Variants in ITPR1 observed in about 807,000 individuals in gnomAD.
The protein encoded by ITPR1 is inositol 1,4,5-trisphosphate receptor type 1, also known as inositol 1,4,5-trisphosphate-gated calcium channel ITPR1.
ITPR1 carries 96 observed loss-of-function variants against 318.4 expected under a neutral mutation model. The ratio of observed to expected loss-of-function variants is 0.30; its 90% CI spans 0.26 to 0.36. The LOEUF (loss-of-function observed/expected upper bound fraction) is 0.36. ITPR1 is among the 10% of genes least tolerant of loss of function. The probability of loss-of-function intolerance (pLI) is 1.00; values close to 1 mark genes in which losing one functional copy is unlikely to be tolerated. For missense variants in ITPR1, 2,440 were observed against 3,460.2 expected (o/e 0.71, Z 7.40); for synonymous variants, 1,312 against 1,289.9 (o/e 1.02, Z -0.37).
intron 57 of ITPR1, among the ~76,000 whole-genome samples, chr3:4,813,702 C>G (rs2049090410): frequency 6.6e-6 from 1 of 152,030 alleles, no homozygotes; most frequent in South Asian, 2.1e-4. Flanking sequence ...AAGAAAAAAA[C>G]AGCAAGTTTG....
intron 52 of ITPR1, among the ~76,000 whole-genome samples, chr3:4,789,298 C>T (rs1176473032): frequency 6.6e-6 from 1 of 152,216 alleles, no homozygotes; most frequent in African/African-American, 2.4e-5. Context: ...ACGGTATGGA[C>T]CTCAGGAGAC....
In ITPR1 at chr3:4,815,202, C is replaced by T. The variant is rs756270254; in HGVS notation, c.7851C>T (p.Thr2617=). 37 of 1,613,670 alleles carry T rather than the reference C, an allele frequency of 2.3e-5. No individual in the cohort carries two copies. Among genetic ancestry groups the T allele is most frequent in the Non-Finnish European group, 3.1e-5 (36 of 1,179,786 alleles). ...EKQKKEEILK[T]TCFICGLERD... ...AGAAGAAGGAAGAGATCTTGAAGAC[C>T]ACGTGCTTTATCTGTGGTGAGTGTC... The change falls in exon 59 of 62, where the codon ACC becomes ACT. Residue 2617 remains threonine (T), a synonymous_variant. Transcript: ENST00000649015.
chr3:4,520,901 T>C, intron 3 of ITPR1, 123 bp from the exon 4 acceptor site: 1 of 739,948 alleles, frequency 1.4e-6, no homozygotes, highest in Non-Finnish European at 2.4e-6. Flanking sequence ...AAAGAGTTCC[T>C]GGCAGGAGAA....
chr3:4,539,695 A>G (rs1010165495), intron 4 of ITPR1, among the ~76,000 whole-genome samples: 9 of 152,170 alleles, frequency 5.9e-5, no homozygotes, highest in African/African-American at 2.2e-4. Flanking sequence ...AATGGATTTA[A>G]TGGGTTAATG....
At chr3:4,769,639 C>G (rs1464640721) in intron 46 of ITPR1, among the ~76,000 whole-genome samples, 2 of 152,098 alleles carry the variant, frequency 1.3e-5, no homozygotes, top group African/African-American at 4.8e-5. Context: ...TTATGATATC[C>G]TGGATCCTAA....
At chr3:4,671,565 C>G (rs908171187) in intron 20 of ITPR1, 1 of 152,292 alleles carries the variant, frequency 6.6e-6, no homozygotes, top group African/African-American at 2.4e-5. Flanking sequence ...TGCCCGTTTC[C>G]CTGTGTGTAC....
chr3:4,604,861 G>A (rs577921571), intron 4 of ITPR1, among the ~76,000 whole-genome samples: 8 of 152,238 alleles, frequency 5.3e-5, no homozygotes, highest in South Asian at 2.1e-4. Flanking sequence ...GGACAGCATC[G>A]TGAGTCCTCA....
chr3:4,533,061 T>C (rs572744847), intron 4 of ITPR1, among the ~76,000 whole-genome samples: 7 of 152,306 alleles, frequency 4.6e-5, no homozygotes, highest in African/African-American at 1.4e-4. Context: ...TTTTGCTTCC[T>C]GTGGAAGCCC....
At chr3:4,572,766 G>A (rs1430593280) in intron 4 of ITPR1, among the ~76,000 whole-genome samples, 1 of 152,148 alleles carries the variant, frequency 6.6e-6, no homozygotes, top group Non-Finnish European at 1.5e-5. Context: ...CCAGCTGCTA[G>A]TAACTACCAT....
chr3:4,524,646 A>G (rs1290603491), intron 4 of ITPR1, among the ~76,000 whole-genome samples: 2 of 152,166 alleles, frequency 1.3e-5, no homozygotes, highest in African/African-American at 2.4e-5. Flanking sequence ...TATATTGAGA[A>G]CCATCATAAC....
At chr3:4,495,820 A>G (rs1019904064) in intron 2 of ITPR1, among the ~76,000 whole-genome samples, 1 of 152,202 alleles carries the variant, frequency 6.6e-6, no homozygotes, top group Non-Finnish European at 1.5e-5. Context: ...GCATCCCACA[A>G]ATGGACCTCA....
chr3:4,615,595 C>T (rs925372604), intron 4 of ITPR1, among the ~76,000 whole-genome samples: 7 of 152,034 alleles, frequency 4.6e-5, no homozygotes, highest in Admixed American at 1.3e-4. Flanking sequence ...AGGCTGGTCT[C>T]GAACTCCTGA....
chr3:4,634,652 G>C (rs747073519), intron 5 of ITPR1, among the ~76,000 whole-genome samples: 8 of 152,198 alleles, frequency 5.3e-5, no homozygotes, highest in African/African-American at 9.7e-5. Context: ...CGTAAATTGT[G>C]TTCCTCAAAG....
intron 14 of ITPR1, 85 bp from the exon 15 acceptor site, chr3:4,661,997 C>T (rs1247786017): frequency 2.5e-6 from 3 of 1,177,710 alleles, no homozygotes; most frequent in African/African-American, 1.5e-5. Flanking sequence ...TGGGATCAGC[C>T]AGTGTCTCGT....
intron 39 of ITPR1, among the ~76,000 whole-genome samples, chr3:4,716,122 T>A (rs752247328): frequency 6.6e-6 from 1 of 152,210 alleles, no homozygotes; most frequent in Non-Finnish European, 1.5e-5. Flanking sequence ...TTAATAAACT[T>A]TAAAATTATA....
chr3:4,705,167 CATT>C (rs942729988), intron 36 of ITPR1, among the ~76,000 whole-genome samples: 2 of 152,188 alleles, frequency 1.3e-5, no homozygotes. Context: ...GACAGGAAAT[CATT>C]GTTTTTTGGA....
chr3:4,781,106 T>G (rs1353287793), intron 49 of ITPR1, among the ~76,000 whole-genome samples: 5 of 152,234 alleles, frequency 3.3e-5, no homozygotes, highest in Non-Finnish European at 5.9e-5. Context: ...CTCGATTTAG[T>G]ATTTGAGAGA....
At chr3:4,533,304 C>T (rs893829151) in intron 4 of ITPR1, among the ~76,000 whole-genome samples, 1 of 152,204 alleles carries the variant, frequency 6.6e-6, no homozygotes, top group African/African-American at 2.4e-5. Flanking sequence ...TGGGGAGACA[C>T]TACAGCGTGG....
intron 46 of ITPR1, among the ~76,000 whole-genome samples, chr3:4,769,794 T>C (rs1432463299): frequency 2.0e-5 from 3 of 152,228 alleles, no homozygotes; most frequent in Non-Finnish European, 4.4e-5. Flanking sequence ...GGGCACATGA[T>C]GTCCCTTGCA....
Sources: allele counts gnomAD v4.1 joint callset (sites outside exome capture counted in the v4.1 genomes callset), GRCh38; gene constraint gnomAD v4.1.1; transcripts MANE v1.5; gene names NCBI Gene and HGNC (gene_info 2026-07-23, HGNC 2026-07-21).